Variants in FSTL4 observed in about 807,000 individuals in gnomAD.
FSTL4 encodes follistatin-related protein 4.
A neutral mutation model predicts 78.2 loss-of-function variants in FSTL4; 28 were observed. That is an observed-to-expected ratio of 0.36 (90% confidence interval 0.27 to 0.49). The LOEUF is 0.49. Among genes scored for constraint, FSTL4 ranks in the 20% least tolerant of loss-of-function variants. FSTL4 has a pLI of 0.98. For synonymous variants in FSTL4, 422 were observed against 440.5 expected (o/e 0.96, Z 0.53); for missense variants, 922 against 1,084.9 (o/e 0.85, Z 2.11).
intron 6 of FSTL4, among the ~76,000 whole-genome samples, chr5:133,261,267 C>T (rs995299839): frequency 7.2e-5 from 11 of 152,258 alleles, no homozygotes; most frequent in East Asian, 3.9e-4. Flanking sequence ...GTCCTCAGAA[C>T]GCTGTCTTGA....
At chr5:133,711,090 T>G in the FSTL4 span, among the ~76,000 whole-genome samples, 1 of 152,142 alleles carries the variant, frequency 6.6e-6, no homozygotes, top group African/African-American at 2.4e-5. Context: ...AGTCAGAGAA[T>G]TTAAGTACCA....
intron 4 of FSTL4, among the ~76,000 whole-genome samples, chr5:133,325,631 A>C (rs1453289438): frequency 1.3e-5 from 2 of 152,120 alleles, no homozygotes. Flanking sequence ...TCTGAATGCC[A>C]ACAAATGGGG....
chr5:133,247,923 TAG>T (rs1752092076), intron 7 of FSTL4: 1 of 152,290 alleles, frequency 6.6e-6, no homozygotes, highest in Non-Finnish European at 1.5e-5. Context: ...TGAAGGGGCC[TAG>T]AGAGTAGGAG....
chr5:133,841,897 A>G, the FSTL4 span, among the ~76,000 whole-genome samples: 41,781 of 152,198 alleles, frequency 0.27, 5,988 homozygotes, highest in South Asian at 0.35. Flanking sequence ...AAAAAGGGCT[A>G]AGCAGGGCTG....
intron 3 of FSTL4, among the ~76,000 whole-genome samples, chr5:133,428,602 G>A (rs1440075929): frequency 6.6e-6 from 1 of 152,216 alleles, no homozygotes; most frequent in African/African-American, 2.4e-5. Flanking sequence ...CAGCTGCAGA[G>A]ACCGAGGCCC....
At chr5:133,210,406 T>C in intron 13 of FSTL4, 108 bp from the exon 14 acceptor site, 1 of 561,860 alleles carries the variant, frequency 1.8e-6, no homozygotes. Flanking sequence ...TCTAGAAGCC[T>C]TGCCAATGGT....
chr5:133,700,560 G>C, the FSTL4 span, among the ~76,000 whole-genome samples: 1 of 152,254 alleles, frequency 6.6e-6, no homozygotes, highest in Non-Finnish European at 1.5e-5. Flanking sequence ...CAGGTGCTCT[G>C]CCTATGCCAA....
chr5:133,345,832 C>T (rs1421755634), intron 4 of FSTL4, among the ~76,000 whole-genome samples: 3 of 152,180 alleles, frequency 2.0e-5, no homozygotes, highest in East Asian at 1.9e-4. Flanking sequence ...GACAGTGTGG[C>T]GATTCCTCAA....
the FSTL4 span, among the ~76,000 whole-genome samples, chr5:133,717,458 A>G: frequency 0.03 from 4,611 of 152,324 alleles, 241 homozygotes; most frequent in African/African-American, 0.1. Context: ...TAAAATGCAC[A>G]TATTTTAAGC....
At chr5:133,285,710 C>T (rs114242357) in intron 6 of FSTL4, among the ~76,000 whole-genome samples, 1,825 of 152,280 alleles carry the variant, frequency 0.012, 32 homozygotes, top group African/African-American at 0.042. Context: ...AACTCCCTGG[C>T]GAGTCAGTCT....
chr5:133,390,657 T>C (rs1305562901), intron 4 of FSTL4, among the ~76,000 whole-genome samples: 3 of 152,244 alleles, frequency 2.0e-5, no homozygotes, highest in East Asian at 3.9e-4. Context: ...TGTGGTCTTG[T>C]TCCTCCTTCA....
the FSTL4 span, among the ~76,000 whole-genome samples, chr5:133,750,517 G>T: frequency 2.8e-4 from 42 of 152,230 alleles, no homozygotes; most frequent in East Asian, 8.0e-3. Context: ...ATTGGGACCA[G>T]CAGGAGCATC....
intron 2 of FSTL4, among the ~76,000 whole-genome samples, chr5:133,593,016 G>T (rs573139695): frequency 1.4e-4 from 22 of 152,188 alleles, no homozygotes; most frequent in Non-Finnish European, 2.2e-4. Flanking sequence ...TCTACAGCAA[G>T]GAATAAGACC....
chr5:133,286,595 G>A (rs956566227), intron 6 of FSTL4, among the ~76,000 whole-genome samples: 3 of 152,142 alleles, frequency 2.0e-5, no homozygotes, highest in African/African-American at 7.2e-5. Flanking sequence ...TGGAGCCCAT[G>A]GATGTTGCCC....
At chr5:133,393,802 G>C (rs1298701875) in intron 4 of FSTL4, among the ~76,000 whole-genome samples, 1 of 152,284 alleles carries the variant, frequency 6.6e-6, no homozygotes, top group Non-Finnish European at 1.5e-5. Flanking sequence ...CAGAAGCTCT[G>C]TGAGTTTGGG....
At chr5:133,493,051 A>G (rs1161741132) in intron 3 of FSTL4, among the ~76,000 whole-genome samples, 2 of 151,952 alleles carry the variant, frequency 1.3e-5, no homozygotes, top group African/African-American at 4.8e-5. Context: ...TACTTTTCCA[A>G]ATTTGCTTGT....
At chr5:133,376,934 C>T (rs1755449918) in intron 4 of FSTL4, among the ~76,000 whole-genome samples, 1 of 151,258 alleles carries the variant, frequency 6.6e-6, no homozygotes, top group East Asian at 1.9e-4. Context: ...GTAAAAACAG[C>T]AAGAGTCTTA....
chr5:133,780,624 G>A, the FSTL4 span, among the ~76,000 whole-genome samples: 2 of 152,174 alleles, frequency 1.3e-5, no homozygotes, highest in African/African-American at 4.8e-5. Context: ...GAGCATAGCA[G>A]GGCAATTTAC....
chr5:133,698,508 T>C, the FSTL4 span, among the ~76,000 whole-genome samples: 1 of 152,358 alleles, frequency 6.6e-6, no homozygotes, highest in East Asian at 1.9e-4. Flanking sequence ...TCAAACATGA[T>C]GGAGCCGTTG....
Sources: allele counts gnomAD v4.1 joint callset (sites outside exome capture counted in the v4.1 genomes callset), GRCh38; gene constraint gnomAD v4.1.1; transcripts MANE v1.5; gene names NCBI Gene and HGNC (gene_info 2026-07-23, HGNC 2026-07-21).